Variants in RASGRP3 observed in about 807,000 individuals in gnomAD.
RASGRP3 encodes the protein RAS guanyl releasing protein 3, also known as ras guanyl-releasing protein 3.
Under a neutral mutation model 82.7 loss-of-function variants are expected in RASGRP3, and 54 were observed. The ratio of observed to expected loss-of-function variants is 0.65; its 90% CI spans 0.52 to 0.82. The LOEUF (loss-of-function observed/expected upper bound fraction) is 0.82, where lower values mean the gene tolerates loss of function less well. RASGRP3 is among the 40% of genes least tolerant of loss of function. The probability of loss-of-function intolerance (pLI) is 0.00; values close to 1 mark genes in which losing one functional copy is unlikely to be tolerated. For missense variants in RASGRP3, 861 were observed against 828.9 expected (o/e 1.04, Z -0.48); for synonymous variants, 309 against 300.5 (o/e 1.03, Z -0.29).
At chr2:33,473,378 G>A (rs900565731), upstream of RASGRP3, among the ~76,000 whole-genome samples, 9 of 143,342 alleles carry the variant, frequency 6.3e-5, no homozygotes, top group East Asian at 1.3e-3. Context: ...GTGAGACTCC[G>A]TCTCAAAAAA....
intron 1 of RASGRP3, among the ~76,000 whole-genome samples, chr2:33,508,761 C>G (rs1002921948): frequency 6.6e-6 from 1 of 152,070 alleles, no homozygotes; most frequent in Non-Finnish European, 1.5e-5. Flanking sequence ...TTTTTCTTCT[C>G]CTGGAGGTAT....
At chr2:33,480,838 T>G (rs1041582962) in intron 1 of RASGRP3, among the ~76,000 whole-genome samples, 2 of 152,234 alleles carry the variant, frequency 1.3e-5, no homozygotes, top group South Asian at 4.1e-4. Context: ...TGGATTTTTT[T>G]GCTGTTTCAA....
chr2:33,494,347 G>A (rs374988141), intron 1 of RASGRP3, among the ~76,000 whole-genome samples: 24 of 152,142 alleles, frequency 1.6e-4, no homozygotes, highest in African/African-American at 5.1e-4. Flanking sequence ...AGTAAATAAC[G>A]CTTCCCTGGT....
upstream of RASGRP3, chr2:33,476,300 G>T (rs538486387): frequency 2.0e-3 from 301 of 152,402 alleles, 2 homozygotes; most frequent in African/African-American, 7.0e-3. Flanking sequence ...AGTGAAACTT[G>T]AGTGAGATGA....
chr2:33,528,724 G>A (rs1672811175), intron 10 of RASGRP3, among the ~76,000 whole-genome samples: 1 of 152,158 alleles, frequency 6.6e-6, no homozygotes, highest in Admixed American at 6.5e-5. Context: ...ACCCCTAAGT[G>A]TAGGCAATAA....
intron 13 of RASGRP3, among the ~76,000 whole-genome samples, chr2:33,546,755 A>G (rs1674799702): frequency 6.6e-6 from 1 of 152,016 alleles, no homozygotes; most frequent in Non-Finnish European, 1.5e-5. Flanking sequence ...TACATCATGG[A>G]CTATTATGCA....
chr2:33,527,730 T>G (rs1454944949), intron 10 of RASGRP3, among the ~76,000 whole-genome samples: 1 of 152,198 alleles, frequency 6.6e-6, no homozygotes, highest in East Asian at 1.9e-4. Context: ...ATCCAACTTA[T>G]CACATCCTTC....
rs188921839 is a variant in RASGRP3, at chr2:33,561,814, C to T, written c.2065-915C>T. ...ACGCTCATTTTAAAATATAAGGGTA[C>T]GAACATTTTCTGTGGCAGTGTATGT... is the stretch of plus-strand genomic sequence containing the variant. On this transcript the variant is annotated intron_variant, in intron 17 of 17. Transcript: ENST00000403687. 5.9e-5 allele frequency among the ~76,000 whole-genome samples: 9 copies of T among 152,162 alleles called. No individual in the cohort carries two copies. In the East Asian group the frequency reaches 7.7e-4, roughly 13 times the overall value.
intron 1 of RASGRP3, among the ~76,000 whole-genome samples, chr2:33,491,874 A>G (rs931500861): frequency 6.6e-6 from 1 of 152,240 alleles, no homozygotes; most frequent in African/African-American, 2.4e-5. Context: ...AGGCTAGGGC[A>G]CAATGGACTT....
At chr2:33,561,576 C>A (rs933736433) in intron 17 of RASGRP3, among the ~76,000 whole-genome samples, 7 of 151,416 alleles carry the variant, frequency 4.6e-5, no homozygotes, top group Non-Finnish European at 1.0e-4. Flanking sequence ...TTATACCCAG[C>A]GGTTGAATAT....
chr2:33,479,413 T>TCCA (rs1419213860), intron 1 of RASGRP3, among the ~76,000 whole-genome samples: 2 of 151,890 alleles, frequency 1.3e-5, no homozygotes, highest in African/African-American at 2.4e-5. Flanking sequence ...GGACAGCCAC[T>TCCA]CCACCCATGC....
chr2:33,491,897 C>G (rs1001058620), intron 1 of RASGRP3, among the ~76,000 whole-genome samples: 4 of 152,170 alleles, frequency 2.6e-5, no homozygotes, highest in African/African-American at 4.8e-5. Flanking sequence ...TGGCATCTGG[C>G]CAAGGTGCTG....
intron 1 of RASGRP3, among the ~76,000 whole-genome samples, chr2:33,441,188 A>G (rs1254686105): frequency 6.6e-6 from 1 of 152,092 alleles, no homozygotes; most frequent in Non-Finnish European, 1.5e-5. Context: ...CACGGCACCC[A>G]GCCTCCAAAC....
At chr2:33,555,985 C>T (rs1231731870) in intron 15 of RASGRP3, among the ~76,000 whole-genome samples, 2 of 152,074 alleles carry the variant, frequency 1.3e-5, no homozygotes, top group African/African-American at 4.8e-5. Flanking sequence ...TAGATGGTGA[C>T]AAAAAACGAG....
intron 1 of RASGRP3, among the ~76,000 whole-genome samples, chr2:33,442,968 C>A (rs1665307496): frequency 6.6e-6 from 1 of 151,160 alleles, no homozygotes; most frequent in Admixed American, 6.6e-5. Flanking sequence ...ATTCAGTAAT[C>A]CGGTAATCCC....
chr2:33,523,449 G>A (rs112529500), intron 7 of RASGRP3, among the ~76,000 whole-genome samples: 2,632 of 138,060 alleles, frequency 0.019, 88 homozygotes, highest in African/African-American at 0.069. Flanking sequence ...TGGCAATAGA[G>A]CGACAGTCGG....
chr2:33,530,248 G>T (rs1672980381), intron 10 of RASGRP3, among the ~76,000 whole-genome samples: 1 of 152,132 alleles, frequency 6.6e-6, no homozygotes, highest in Non-Finnish European at 1.5e-5. Flanking sequence ...TCTAAACATG[G>T]CTCCAGCTGA....
chr2:33,524,362 T>G, intron 8 of RASGRP3, 70 bp from the exon 9 acceptor site: 1 of 1,043,318 alleles, frequency 9.6e-7, no homozygotes, highest in Non-Finnish European at 1.4e-6. Flanking sequence ...GTGCATAAAT[T>G]TACTTGTAAT....
At chr2:33,436,829 GT>G (rs1664947369) in intron 1 of RASGRP3, among the ~76,000 whole-genome samples, 1 of 152,048 alleles carries the variant, frequency 6.6e-6, no homozygotes, top group African/African-American at 2.4e-5. Context: ...ACTTTCTTCA[GT>G]TTCATTATTA....
Sources: gnomAD v4.1 joint callset for allele counts (sites outside exome capture counted in the v4.1 genomes callset) on GRCh38, gnomAD v4.1.1 for gene constraint, MANE v1.5 for transcripts, NCBI Gene and HGNC (gene_info 2026-07-23, HGNC 2026-07-21) for gene names.